The following TEX29 variants were observed in gnomAD, a reference collection of about 807,000 sequenced individuals.
The protein encoded by TEX29 is testis-expressed protein 29.
Under a neutral mutation model 18.2 loss-of-function variants are expected in TEX29, and 26 were observed. The observed-to-expected ratio is 1.43, with a 90% CI of 1.04 to 1.98. TEX29 has a LOEUF of 1.98. Among genes scored for constraint, TEX29 ranks in the 30% most tolerant of loss-of-function variants. TEX29 has a pLI of 0.00. For missense variants in TEX29, 177 were observed against 194.2 expected, an observed-to-expected ratio of 0.91 and a Z score of 0.53; for synonymous variants, 83 against 78.5, an observed-to-expected ratio of 1.06 and a Z score of -0.31.
chr13:111,326,020 G>A (rs1423268883), intron 2 of TEX29, among the ~76,000 whole-genome samples: 4 of 152,226 alleles, frequency 2.6e-5, no homozygotes, highest in South Asian at 2.1e-4. Context: ...GGGGACGGTG[G>A]GGAGGGCGCC....
At chr13:111,324,094 C>T (rs894187364) in intron 2 of TEX29, among the ~76,000 whole-genome samples, 9 of 152,198 alleles carry the variant, frequency 5.9e-5, no homozygotes, top group African/African-American at 1.4e-4. Flanking sequence ...AGTCTGGGCC[C>T]GCTGAAGGTC....
chr13:111,316,339 C>T (rs761162199), upstream of TEX29: 6 of 452,066 alleles, frequency 1.3e-5, no homozygotes, highest in Non-Finnish European at 2.2e-5. Flanking sequence ...CACACGCCTC[C>T]CGCCACCCAC....
At chr13:111,342,239 A>G (rs1182897262) in intron 4 of TEX29, among the ~76,000 whole-genome samples, 1 of 152,064 alleles carries the variant, frequency 6.6e-6, no homozygotes, top group African/African-American at 2.4e-5. Flanking sequence ...GAGTAAAGCC[A>G]TTTTCCTACC....
At chr13:111,321,006 A>G (rs56975726) in intron 2 of TEX29, 58 bp downstream of exon 2, 216,413 of 876,068 alleles carry the variant, frequency 0.25, 49,329 homozygotes, top group East Asian at 0.86. Context: ...GGGGGGGGGC[A>G]CAGGGAGGAG....
At chr13:111,324,884 G>A (rs774223760) in intron 2 of TEX29, among the ~76,000 whole-genome samples, 2 of 152,170 alleles carry the variant, frequency 1.3e-5, no homozygotes, top group African/African-American at 4.8e-5. Context: ...ATAACGGAAC[G>A]TTTACCACCG....
At chr13:111,340,122 T>G (rs1168344542) in intron 4 of TEX29, among the ~76,000 whole-genome samples, 190 bp downstream of exon 4, 1 of 152,000 alleles carries the variant, frequency 6.6e-6, no homozygotes, top group Non-Finnish European at 1.5e-5. Flanking sequence ...CCAGAGTGCT[T>G]GTTGATGAAA....
intron 3 of TEX29, among the ~76,000 whole-genome samples, chr13:111,338,638 T>G (rs1193732411): frequency 6.6e-6 from 1 of 152,132 alleles, no homozygotes; most frequent in African/African-American, 2.4e-5. Context: ...GCAAATCGTG[T>G]CACCTGCACT....
chr13:111,319,473 C>T (rs975654181), upstream of TEX29, among the ~76,000 whole-genome samples: 2 of 152,160 alleles, frequency 1.3e-5, no homozygotes, highest in African/African-American at 4.8e-5. Context: ...ACCCAAATTG[C>T]GTGTATGTGT....
At chr13:111,342,274 A>T (rs1189365201) in intron 4 of TEX29, among the ~76,000 whole-genome samples, 1 of 152,192 alleles carries the variant, frequency 6.6e-6, no homozygotes, top group African/African-American at 2.4e-5. Flanking sequence ...ATGCTGTCTT[A>T]TGTGTGTTAA....
chr13:111,326,549 G>A (rs1235713931), intron 2 of TEX29, among the ~76,000 whole-genome samples: 2 of 138,356 alleles, frequency 1.4e-5, no homozygotes, highest in Non-Finnish European at 1.6e-5. Flanking sequence ...TGGAGACTGC[G>A]GGCAACGCGA....
rs12855715 is a variant in TEX29, at chr13:111,320,751, T to C, written c.-46T>C. 356,150 of 972,148 alleles carry C rather than the reference T, an allele frequency of 0.37. 70,489 individuals are homozygous for C. Among genetic ancestry groups the C allele is most frequent in the East Asian group, 0.78 (32,512 of 41,724 alleles). 60.2% of individuals were successfully genotyped at this position (972,148 alleles called of 1,614,324 possible). On this transcript the variant is annotated 5_prime_UTR_variant, in exon 1 of 6. An upstream start codon of the reference 5' UTR is lost. Coordinates refer to ENST00000283547, the MANE Select transcript of TEX29 (RefSeq NM_152324.3). ...GGTGGCTGAGGGGACCCGCCTGGGA[T>C]GTGAGGCGCAGGTGAGTCGATGAAC...
chr13:111,320,995 T>TGGGGGGGCCCCAGCTGTGG, intron 2 of TEX29, 47 bp downstream of exon 2: 1 of 320,864 alleles, frequency 3.1e-6, no homozygotes, highest in Non-Finnish European at 5.8e-6. Flanking sequence ...GGGGAGCAGT[T>TGGGGGGGCCCCAGCTGTGG]GGGGGGGGGC....
At chr13:111,333,829 A>C (rs1400543384) in intron 3 of TEX29, among the ~76,000 whole-genome samples, 1 of 152,210 alleles carries the variant, frequency 6.6e-6, no homozygotes, top group Non-Finnish European at 1.5e-5. Context: ...GTGAGAACTC[A>C]GTATCATGAG....
At chr13:111,320,552 G>A (rs34933837), upstream of TEX29, 1,675 of 397,320 alleles carry the variant, frequency 4.2e-3, 35 homozygotes, top group South Asian at 0.036. Context: ...ACACGGCTCC[G>A]AAGTCCTGTG....
chr13:111,332,358 A>T (rs1057026547), intron 3 of TEX29, among the ~76,000 whole-genome samples: 1 of 152,186 alleles, frequency 6.6e-6, no homozygotes, highest in Non-Finnish European at 1.5e-5. Flanking sequence ...CAGCATATAG[A>T]AATATAATTG....
upstream of TEX29, among the ~76,000 whole-genome samples, chr13:111,318,300 A>G (rs1244516155): frequency 1.3e-5 from 2 of 152,162 alleles, no homozygotes; most frequent in African/African-American, 4.8e-5. Context: ...AGCTCCACAC[A>G]TTCCCATGGG....
In TEX29 at chr13:111,320,906, G is replaced by A. The variant is rs746032387; in HGVS notation, c.16G>A (p.Glu6Lys). ...AGCTGCAGCAATGGAATACGTGCTG[G>A]AAGTGAAGAACTCTCCGCGGCACCT... MEYVL[E>K]VKNSPRHLLK... The change falls in exon 2 of 6, where the codon GAA (glutamate) becomes AAA (lysine). Residue 6 changes from glutamate (E) to lysine (K), a missense_variant. Glu to Lys is a moderately conservative substitution (Grantham distance 56). Transcript: ENST00000283547. 2 of 1,549,970 alleles carry A rather than the reference G, an allele frequency of 1.3e-6. No individual in the cohort carries two copies. Among genetic ancestry groups the A allele is most frequent in the Non-Finnish European group, 1.8e-6 (2 of 1,139,808 alleles).
At chr13:111,321,073 C>T (rs2093663769) in intron 2 of TEX29, 125 bp downstream of exon 2, 2 of 1,037,470 alleles carry the variant, frequency 1.9e-6, no homozygotes, top group African/African-American at 1.6e-5. Flanking sequence ...GCTAGGAGGG[C>T]AAGGCAGCAA....
At chr13:111,342,573 AAAAAG>A (rs1946833362) in intron 4 of TEX29, among the ~76,000 whole-genome samples, 178 bp from the exon 5 acceptor site, 2 of 151,670 alleles carry the variant, frequency 1.3e-5, no homozygotes, top group African/African-American at 4.8e-5. Context: ...AAAAAAAAAA[AAAAAG>A]AGAGAGAGAA....
Sources: allele counts gnomAD v4.1 joint callset (sites outside exome capture counted in the v4.1 genomes callset), GRCh38; gene constraint gnomAD v4.1.1; transcripts MANE v1.5; gene names NCBI Gene and HGNC (gene_info 2026-07-23, HGNC 2026-07-21).